The following COL22A1 variants were observed in gnomAD, a reference collection of about 807,000 sequenced individuals.
COL22A1 encodes collagen type XXII alpha 1 chain.
In COL22A1, 221 loss-of-function variants were observed where a neutral mutation model predicts 248.9. That is an observed-to-expected ratio of 0.89 (90% CI 0.80 to 0.99). COL22A1 has a LOEUF of 0.99. Among genes scored for constraint, COL22A1 ranks in the 50% least tolerant of loss-of-function variants. The pLI is 0.00. For missense variants in COL22A1, 2,240 were observed against 2,179.0 expected, an observed-to-expected ratio of 1.03 and a Z score of -0.56; for synonymous variants, 891 against 793.4, an observed-to-expected ratio of 1.12 and a Z score of -2.07.
At chr8:138,853,226 G>T (rs1239516070) in intron 3 of COL22A1, among the ~76,000 whole-genome samples, 1 of 152,202 alleles carries the variant, frequency 6.6e-6, no homozygotes, top group Non-Finnish European at 1.5e-5. Flanking sequence ...ACAGGTCATT[G>T]GTGCCCTGAA....
chr8:138,716,948 A>G lies in COL22A1; in HGVS notation c.2356-79T>C. 4 of 1,066,820 alleles carry G rather than the reference A, an allele frequency of 3.7e-6. No homozygotes were observed. In the South Asian group the frequency reaches 5.0e-5, roughly 13 times the overall value. The allele number at this position is 1,066,820 out of a possible 1,614,324, so 66.1% of individuals were successfully genotyped here. On this transcript the variant is annotated intron_variant, in intron 27 of 64. Transcript: ENST00000303045. ...ACTGCCATTTCCCAGTTGTCCTCAC[A>G]CATTCATAGCACCTGCCAGCCACAA...
chr8:138,598,783 G>C lies in COL22A1; in HGVS notation c.4301C>G (p.Pro1434Arg). The change falls in exon 61 of 65, where the codon CCT (proline) becomes CGT (arginine). Residue 1434 changes from proline to arginine, a missense_variant. Physicochemically the swap from Pro to Arg is moderately radical, Grantham distance 103. Transcript: ENST00000303045. ...GGGTCCAACTGGTCCATTCTCCCCA[G>C]GTAGTCCTTGGGGACCCATCAGGCC... ...HTGLMGPQGL[P>R]GENGPVGPPG... is the part of the protein sequence containing the mutation. The C allele has an allele frequency of 6.2e-7, 1 of 1,614,136 alleles. No homozygotes were observed. Among genetic ancestry groups the C allele is most frequent in the African/African-American group, 1.3e-5 (1 of 75,060 alleles).
At chr8:138,708,566 G>C (rs907684455) in intron 30 of COL22A1, among the ~76,000 whole-genome samples, 1 of 152,174 alleles carries the variant, frequency 6.6e-6, no homozygotes, top group Non-Finnish European at 1.5e-5. Context: ...AATGGTGCTG[G>C]GAAAACTGGC....
chr8:138,736,018 G>A (rs1231612139), intron 23 of COL22A1, among the ~76,000 whole-genome samples: 1 of 152,128 alleles, frequency 6.6e-6, no homozygotes, highest in Non-Finnish European at 1.5e-5. Flanking sequence ...GCCCAGCAGT[G>A]ACTTGTGCCC....
At chr8:138,710,466 T>A (rs1828855397) in intron 30 of COL22A1, among the ~76,000 whole-genome samples, 1 of 152,178 alleles carries the variant, frequency 6.6e-6, no homozygotes, top group African/African-American at 2.4e-5. Flanking sequence ...AACAATAATA[T>A]GATTATAAAA....
At chr8:138,895,069 AAAAAG>A (rs528853206) in intron 1 of COL22A1, among the ~76,000 whole-genome samples, 1 of 145,046 alleles carries the variant, frequency 6.9e-6, no homozygotes, top group African/African-American at 2.7e-5. Flanking sequence ...TTAAAAAAAA[AAAAAG>A]AAAAGAAAAG....
chr8:138,863,653 G>C lies in COL22A1; in HGVS notation c.658+14097C>G, dbSNP rs188226132. ...AACGCAACGCGGAAGTGGGTGCGGG[G>C]AGCCTGCAGGGCTCCGTGGCTGTGC... On this transcript the variant is annotated intron_variant, in intron 3 of 64. Coordinates refer to ENST00000303045, the MANE Select transcript of COL22A1 (RefSeq NM_152888.3). Among the ~76,000 whole-genome samples, 177 of 152,298 alleles carry C rather than the reference G, an allele frequency of 1.2e-3. 1 individual carries two copies. Among genetic ancestry groups the C allele is most frequent in the Non-Finnish European group, 1.8e-3 (122 of 68,028 alleles).
At position 138,812,968 on chromosome 8, in the gene COL22A1, C is replaced by G; in HGVS notation, c.1297G>C (p.Glu433Gln). Reference sequence around the variant, plus strand: ...CCCGAGGGGATATCACAACAAGTCTCCAATTCTGCGTGTCTCGAGTCACAA... The same window carrying G: ...CCCGAGGGGATATCACAACAAGTCTGCAATTCTGCGTGTCTCGAGTCACAA... ...IYCDSRHAEL[E>Q]TCCDIPSGPC... The change falls in exon 8 of 65, where the codon GAG (glutamate) becomes CAG (glutamine). Residue 433 changes from glutamate to glutamine, a missense_variant. Coordinates refer to ENST00000303045, the MANE Select transcript of COL22A1 (RefSeq NM_152888.3). The G allele has an allele frequency of 6.2e-7, 1 of 1,614,028 alleles. No homozygotes were observed. Among genetic ancestry groups the G allele is most frequent in the Non-Finnish European group, 8.5e-7 (1 of 1,179,940 alleles).
Position 138,895,838 on chromosome 8 carries a change from A to T in COL22A1, c.-72-12594T>A, listed in dbSNP as rs559930045. The stretch of plus-strand genomic sequence containing the variant: ...ATCCCCAAACAGAATAAACCCAAAG[A>T]AATTTATGCTTAAATACATCATAAT... On this transcript the variant is annotated intron_variant, in intron 1 of 64. Transcript: ENST00000303045. Among the ~76,000 whole-genome samples, 4 of 152,362 alleles carry T rather than the reference A, an allele frequency of 2.6e-5. No individual in the cohort carries two copies. In the South Asian group the frequency reaches 8.3e-4, roughly 32 times the overall value.
chr8:138,779,207 G>C (rs184521545), intron 14 of COL22A1, among the ~76,000 whole-genome samples: 95 of 152,138 alleles, frequency 6.2e-4, no homozygotes, highest in African/African-American at 2.2e-3. Context: ...TGTATGATTG[G>C]GTACATCCAA....
rs779924458 is a variant in COL22A1, at chr8:138,779,557, C to T, written c.1656G>A (p.Glu552=). Residue 552 remains glutamate (E), a synonymous_variant, in exon 14 of 65, where the codon GAG becomes GAA. Coordinates refer to ENST00000303045, the MANE Select transcript of COL22A1 (RefSeq NM_152888.3). ...GCCCCGGCTCTCCCAGCTCTCCTGG[C>T]TCCCCCTGAACAAACAAAACAACAC... ...GRDGSKGMRG[E]PGELGEPGLP... The T allele has an allele frequency of 6.2e-7, 1 of 1,612,746 alleles. No individual in the cohort carries two copies. The highest frequency in any genetic ancestry group is 8.5e-7 in the Non-Finnish European group (1 of 1,178,764).
chr8:138,591,408 G>T lies in COL22A1; in HGVS notation c.4693+16C>A. On this transcript the variant is annotated intron_variant, in intron 64 of 64. Coordinates refer to ENST00000303045, the MANE Select transcript of COL22A1 (RefSeq NM_152888.3). ...TAGCTCACACCCTACCCCTGAGACT[G>T]CAGAATGAGTCATACCTGGGATTCC... 1 of 1,565,742 alleles carries T rather than the reference G, an allele frequency of 6.4e-7. No homozygotes were observed. Among genetic ancestry groups the T allele is most frequent in the Non-Finnish European group, 8.7e-7 (1 of 1,154,936 alleles).
Position 138,796,804 on chromosome 8 carries a change from A to G in COL22A1, c.1596+15T>C. 6.4e-7 allele frequency: 1 copy of G among 1,572,700 alleles called. No homozygotes were observed. The highest frequency in any genetic ancestry group is 8.8e-7 in the Non-Finnish European group (1 of 1,142,416). On this transcript the variant is annotated intron_variant, in intron 12 of 64. Coordinates refer to ENST00000303045, the MANE Select transcript of COL22A1 (RefSeq NM_152888.3). ...CCATTCCCTTGGAGGAGTGTGATAA[A>G]AGGAAGATGCTTACCTTTTCACCCT...
intron 17 of COL22A1, among the ~76,000 whole-genome samples, chr8:138,760,788 G>C (rs1833413050): frequency 6.6e-6 from 1 of 152,166 alleles, no homozygotes; most frequent in Non-Finnish European, 1.5e-5. Context: ...GGATGCTGAA[G>C]ACTTGTCCCT....
At chr8:138,839,805 T>C (rs1443726121) in intron 4 of COL22A1, among the ~76,000 whole-genome samples, 3 of 152,226 alleles carry the variant, frequency 2.0e-5, no homozygotes, top group Non-Finnish European at 2.9e-5. Context: ...AAGCATTAAG[T>C]AGCTAAACTT....
chr8:138,727,417 C>T (rs149707024), intron 23 of COL22A1, among the ~76,000 whole-genome samples: 313 of 152,290 alleles, frequency 2.1e-3, no homozygotes, highest in African/African-American at 7.0e-3. Flanking sequence ...CCTTCTTGTT[C>T]CCCCTGCACC....
intron 11 of COL22A1, 96 bp from the exon 12 acceptor site, chr8:138,796,953 A>G (rs959255983): frequency 1.4e-5 from 12 of 856,038 alleles, no homozygotes; most frequent in African/African-American, 9.9e-5. Flanking sequence ...AAAGGATTAG[A>G]TATTTTCTCA....
intron 12 of COL22A1, among the ~76,000 whole-genome samples, chr8:138,787,321 G>A (rs1334211766): frequency 2.0e-5 from 3 of 152,088 alleles, no homozygotes; most frequent in Non-Finnish European, 4.4e-5. Context: ...GAGAGAAAGA[G>A]AAGGGAAAAA....
intron 4 of COL22A1, among the ~76,000 whole-genome samples, chr8:138,843,655 G>T (rs1043375403): frequency 6.6e-6 from 1 of 152,020 alleles, no homozygotes; most frequent in Admixed American, 6.5e-5. Context: ...TCTGCTGCTG[G>T]GTCTGCAGTC....
Sources: gnomAD v4.1 joint callset for allele counts (sites outside exome capture counted in the v4.1 genomes callset) on GRCh38, gnomAD v4.1.1 for gene constraint, MANE v1.5 for transcripts, NCBI Gene and HGNC (gene_info 2026-07-23, HGNC 2026-07-21) for gene names.